LRRC27: variants seen among roughly 807,000 people sequenced by gnomAD.
LRRC27 encodes the protein leucine rich repeat containing 27, also known as leucine-rich repeat-containing protein 27.
LRRC27 carries 57 observed loss-of-function variants against 55.0 expected under a neutral mutation model. That is an observed-to-expected ratio of 1.04 (90% CI 0.84 to 1.29). The LOEUF (loss-of-function observed/expected upper bound fraction) is 1.29. LRRC27 is among the 50% of genes most tolerant of loss of function. The pLI, the probability that LRRC27 is intolerant of heterozygous loss-of-function variation, is 0.00. For missense variants in LRRC27, 721 were observed against 651.5 expected (o/e 1.11, Z -1.16); for synonymous variants, 278 against 251.9 (o/e 1.10, Z -0.98).
chr10:132,374,911 G>A lies in LRRC27; in HGVS notation c.1417-155G>A, dbSNP rs760607773. ...TGGGCCCCATTGCAGGGGGGACCGC[G>A]CCGTGATGCGGCTTGCAGGGGCCCC... On this transcript the variant is annotated intron_variant, in intron 10 of 10. Coordinates refer to ENST00000368614, the MANE Select transcript of LRRC27 (RefSeq NM_030626.3). This position sits in a 1 kb window ranked among gnomAD's most constrained non-coding sequence, Gnocchi z 4.4. 4.6e-4 allele frequency among the ~76,000 whole-genome samples: 70 copies of A among 152,182 alleles called. No individual in the cohort carries two copies. Among genetic ancestry groups the A allele is most frequent in the Admixed American group, 1.6e-3 (25 of 15,288 alleles).
At chr10:132,344,371 G>A (rs2698779) in intron 4 of LRRC27, 127 bp from the exon 5 acceptor site, 219,302 of 1,007,966 alleles carry the variant, frequency 0.22, 26,275 homozygotes, top group Non-Finnish European at 0.25. Flanking sequence ...ATCTGTTAAC[G>A]TGATTTTCCC....
intron 9 of LRRC27, among the ~76,000 whole-genome samples, chr10:132,363,525 C>G (rs2068747531): frequency 6.6e-6 from 1 of 152,208 alleles, no homozygotes; most frequent in Non-Finnish European, 1.5e-5. Flanking sequence ...TCCCAGGCGT[C>G]CTGGGAAGCC....
intron 2 of LRRC27, chr10:132,336,993 C>A: frequency 3.3e-6 from 3 of 910,056 alleles, no homozygotes; most frequent in Non-Finnish European, 4.6e-6. Flanking sequence ...CACGACTTTA[C>A]AACGCCACCG....
At chr10:132,332,543 C>G (rs2138550614) in intron 1 of LRRC27, 1 of 152,306 alleles carries the variant, frequency 6.6e-6, no homozygotes, top group Non-Finnish European at 1.5e-5. Flanking sequence ...CTGTGTGAGT[C>G]CAGGCTGTTG....
chr10:132,351,442 A>G, intron 6 of LRRC27, 165 bp from the exon 7 acceptor site: 1 of 765,706 alleles, frequency 1.3e-6, no homozygotes, highest in Admixed American at 2.3e-5. Flanking sequence ...GTGTCCTGAA[A>G]TCAACAGTCA....
chr10:132,345,657 G>A (rs1167140132), intron 5 of LRRC27, among the ~76,000 whole-genome samples: 3 of 152,220 alleles, frequency 2.0e-5, no homozygotes, highest in Non-Finnish European at 2.9e-5. Flanking sequence ...CTGGGCACCT[G>A]GCAGGAGTGG....
At position 132,381,106 on chromosome 10, in the gene LRRC27, C is replaced by T. The variant is rs1300545828; in HGVS notation, c.*5864C>T. ...TGCCAGAAGAGATTAACATTTGAGT[C>T]AGTGGACTGGGAGAAGACCCACCAC... On this transcript the variant is annotated 3_prime_UTR_variant, in exon 11 of 11. Transcript: ENST00000368614. Among the ~76,000 whole-genome samples the T allele has an allele frequency of 6.6e-6, 1 of 152,238 alleles. No individual in the cohort carries two copies. Among genetic ancestry groups the T allele is most frequent in the Non-Finnish European group, 1.5e-5 (1 of 68,042 alleles).
At chr10:132,338,816 C>T (rs1203031823) in intron 3 of LRRC27, among the ~76,000 whole-genome samples, 4 of 150,368 alleles carry the variant, frequency 2.7e-5, no homozygotes, top group African/African-American at 7.4e-5. Context: ...TTCAAGCGAT[C>T]CTCTTGCCTC....
intron 2 of LRRC27, chr10:132,335,284 G>C (rs571682268): frequency 6.6e-6 from 1 of 152,486 alleles, no homozygotes; most frequent in South Asian, 2.1e-4. Context: ...TGAGTACTAT[G>C]GGGGTTACAG....
upstream of LRRC27, chr10:132,332,052 C>A (rs564303925): frequency 1.2e-5 from 4 of 324,672 alleles, no homozygotes; most frequent in East Asian, 1.7e-4. Flanking sequence ...AGGCACAAAC[C>A]CCCACAACAC....
chr10:132,342,121 G>A lies in LRRC27; in HGVS notation c.342-92G>A. 5.0e-6 allele frequency: 4 copies of A among 797,192 alleles called. No homozygotes were observed. In the South Asian group the frequency reaches 7.0e-5, roughly 14 times the overall value. The allele number at this position is 797,192 out of a possible 1,614,324, so 49.4% of individuals were successfully genotyped here. A position where few individuals can be genotyped will look rare whatever the true frequency, so the allele number is the denominator to read the frequency against. ...ATCTGTATTGAAGTTGCCCCTGAAA[G>A]AGAAGAAAAATGAAGAAACTTGATG... On this transcript the variant is annotated intron_variant, in intron 3 of 10. Transcript: ENST00000368614.
Position 132,342,259 on chromosome 10 carries a change from C to A in LRRC27, c.388C>A (p.Pro130Thr), listed in dbSNP as rs1162068268. The A allele has an allele frequency of 6.4e-7, 1 of 1,551,166 alleles. No homozygotes were observed. Among genetic ancestry groups the A allele is most frequent in the Admixed American group, 1.9e-5 (1 of 52,966 alleles). ...LLERNPIKML[P>T]VELGSVTTLK... ...AGAAAGAAATCCTATCAAAATGTTA[C>A]CTGTGGAGCTGGGTAAGTATAAAAT... The change falls in exon 4 of 11, where the codon CCT (proline) becomes ACT (threonine). Residue 130 changes from proline to threonine, a missense_variant. By Grantham distance (38) the Pro-to-Thr change is conservative. Coordinates refer to ENST00000368614, the MANE Select transcript of LRRC27 (RefSeq NM_030626.3).
chr10:132,357,055 A>G (rs772534836), intron 8 of LRRC27, among the ~76,000 whole-genome samples: 1 of 152,228 alleles, frequency 6.6e-6, no homozygotes, highest in Non-Finnish European at 1.5e-5. Flanking sequence ...TCCTTTGTCT[A>G]ACTTTGTATT....
At chr10:132,364,342 A>T (rs375143983) in intron 9 of LRRC27, among the ~76,000 whole-genome samples, 1 of 24,226 alleles carries the variant, frequency 4.1e-5, no homozygotes, top group Non-Finnish European at 1.2e-4. Context: ...CCACACCCAC[A>T]CTTAATCTAC....
In LRRC27 at chr10:132,372,775, C is replaced by T. The variant is rs1053522289; in HGVS notation, c.1417-2291C>T. On this transcript the variant is annotated intron_variant, in intron 10 of 10. Coordinates refer to ENST00000368614, the MANE Select transcript of LRRC27 (RefSeq NM_030626.3). The surrounding 1 kb of genome is among the most constrained non-coding windows in gnomAD (Gnocchi z 4.0). ...GCAGAAGGTCAGGTGCACAACCGAC[C>T]AGGAGGGCTGGCCAGCTCCATGGCG... Among the ~76,000 whole-genome samples the T allele has an allele frequency of 6.6e-6, 1 of 152,178 alleles. No individual in the cohort carries two copies. The highest frequency in any genetic ancestry group is 1.5e-5 in the Non-Finnish European group (1 of 68,036).
intron 5 of LRRC27, among the ~76,000 whole-genome samples, chr10:132,346,365 G>T (rs753302254): frequency 6.6e-6 from 1 of 152,036 alleles, no homozygotes; most frequent in Non-Finnish European, 1.5e-5. Context: ...TTAGTACTTT[G>T]TCCTTTCAAT....
intron 4 of LRRC27, among the ~76,000 whole-genome samples, chr10:132,342,624 C>G (rs532501506): frequency 6.6e-6 from 1 of 152,326 alleles, no homozygotes; most frequent in South Asian, 2.1e-4. Context: ...TACGTATGTT[C>G]CTAGGCCCCA....
In LRRC27 at chr10:132,333,555, T is replaced by G. The variant is rs564537567; in HGVS notation, c.31T>G (p.Ser11Ala). ...GGGAAGCAGCTCCTACGAAGTTCCC[T>G]CTGTGGCTGCTGCTGATCTGGAGGA... The part of the protein sequence containing the change: MEGSSSYEVP[S>A]VAAADLEEGA... The change falls in exon 2 of 11, where the codon TCT becomes GCT. Residue 11 changes from serine to alanine, a missense_variant. Ser to Ala is a moderately conservative substitution (Grantham distance 99, BLOSUM62 1). Transcript: ENST00000368614. 2.0e-5 allele frequency: 33 copies of G among 1,609,940 alleles called. No individual in the cohort carries two copies. Among genetic ancestry groups the G allele is most frequent in the Non-Finnish European group, 2.7e-5 (32 of 1,178,664 alleles).
intron 8 of LRRC27, among the ~76,000 whole-genome samples, chr10:132,358,300 T>G (rs1369285839): frequency 6.6e-6 from 1 of 150,798 alleles, no homozygotes; most frequent in Non-Finnish European, 1.5e-5. Context: ...GCCGAGGTGG[T>G]GGAGCGTGGG....
Sources: allele counts gnomAD v4.1 joint callset (sites outside exome capture counted in the v4.1 genomes callset), GRCh38; gene constraint gnomAD v4.1.1; non-coding constraint Gnocchi (gnomAD v3.1); transcripts MANE v1.5; gene names NCBI Gene and HGNC (gene_info 2026-07-23, HGNC 2026-07-21).